HACE1: variants seen among roughly 807,000 people sequenced by gnomAD.
The protein encoded by HACE1 is HECT domain and ankyrin repeat containing E3 ubiquitin protein ligase 1, also known as E3 ubiquitin-protein ligase HACE1.
In HACE1, 73 loss-of-function variants were observed where a neutral mutation model predicts 118.4. That is an observed-to-expected ratio of 0.62 (90% confidence interval 0.51 to 0.75). The LOEUF is 0.75. HACE1 is among the 30% of genes least tolerant of loss of function. The pLI, the probability that HACE1 is intolerant of heterozygous loss-of-function variation, is 0.00. For missense variants in HACE1, 749 were observed against 1,102.2 expected, an observed-to-expected ratio of 0.68 and a Z score of 4.54; for synonymous variants, 368 against 374.8, an observed-to-expected ratio of 0.98 and a Z score of 0.21.
chr6:104,827,519 T>C (rs1333240002), intron 6 of HACE1, among the ~76,000 whole-genome samples: 1 of 152,132 alleles, frequency 6.6e-6, no homozygotes, highest in Non-Finnish European at 1.5e-5. Flanking sequence ...GGTTGTGTTA[T>C]AAAAGTAACA....
intron 6 of HACE1, among the ~76,000 whole-genome samples, chr6:104,831,975 GAAGAGAGGAAGGAAGGAAGGAAGGAAGGA>G (rs1216498072): frequency 7.5e-5 from 4 of 53,548 alleles, no homozygotes; most frequent in East Asian, 5.1e-4. Flanking sequence ...GAAGAGAAGA[GAAGAGAGGAAGGAAGGAAGGAAGGAAGGA>G]AGGAAGGAAG....
chr6:104,747,685 A>T (rs771028140), intron 20 of HACE1, among the ~76,000 whole-genome samples: 1 of 152,156 alleles, frequency 6.6e-6, no homozygotes, highest in Admixed American at 6.5e-5. Flanking sequence ...AACAAGTTCC[A>T]TATCTTCTTT....
chr6:104,747,182 G>A (rs1324878210), intron 20 of HACE1, among the ~76,000 whole-genome samples: 1 of 152,022 alleles, frequency 6.6e-6, no homozygotes, highest in South Asian at 2.1e-4. Flanking sequence ...TATGTGTAAG[G>A]TATATAACTC....
At chr6:104,780,614 A>C (rs1646071970) in intron 14 of HACE1, among the ~76,000 whole-genome samples, 1 of 152,146 alleles carries the variant, frequency 6.6e-6, no homozygotes, top group South Asian at 2.1e-4. Context: ...GCAACTTGCC[A>C]ATATAATGTC....
At chr6:104,829,465 G>A (rs986369003) in intron 6 of HACE1, among the ~76,000 whole-genome samples, 9 of 152,010 alleles carry the variant, frequency 5.9e-5, no homozygotes, top group African/African-American at 2.2e-4. Context: ...TCAGCCAGGA[G>A]GAAAAGAAAT....
chr6:104,752,547 T>C (rs1236020017), intron 19 of HACE1, among the ~76,000 whole-genome samples: 3 of 152,048 alleles, frequency 2.0e-5, no homozygotes, highest in Non-Finnish European at 4.4e-5. Context: ...CAAGAGGTTT[T>C]GGCTTTACCA....
At chr6:104,761,468 A>G (rs979126308) in intron 19 of HACE1, among the ~76,000 whole-genome samples, 20 of 152,198 alleles carry the variant, frequency 1.3e-4, no homozygotes, top group African/African-American at 4.8e-4. Flanking sequence ...TTTTAAATAA[A>G]TGGTTTTGGG....
At chr6:104,834,650 C>T (rs1016915683) in intron 5 of HACE1, among the ~76,000 whole-genome samples, 1 of 152,144 alleles carries the variant, frequency 6.6e-6, no homozygotes, top group Non-Finnish European at 1.5e-5. Flanking sequence ...GAGGAGAGAA[C>T]AGCAAGTTTT....
chr6:104,745,744 A>G (rs2114524484), intron 20 of HACE1, among the ~76,000 whole-genome samples: 1 of 152,140 alleles, frequency 6.6e-6, no homozygotes, highest in African/African-American at 2.4e-5. Context: ...CCCGGCCAGG[A>G]TTTCTTATTA....
At chr6:104,776,903 TTAAATA>T (rs1461075304) in intron 16 of HACE1, 75 bp from the exon 17 acceptor site, 30 of 1,322,758 alleles carry the variant, frequency 2.3e-5, no homozygotes, top group Middle Eastern at 1.8e-4. Flanking sequence ...ATAACAAAAT[TTAAATA>T]TAAAGTTTCT....
rs9322821 is a variant in HACE1, at chr6:104,852,228, T to C, written c.131+89A>G. On this transcript the variant is annotated intron_variant, in intron 2 of 23. Transcript: ENST00000262903. Reference sequence around the variant, plus strand: ...GTGTGTGTGTGTGTGTGTGTGTGTGTGCGCGCGTGCGCGTGCACGGGCATG... The same window carrying C: ...GTGTGTGTGTGTGTGTGTGTGTGTGCGCGCGCGTGCGCGTGCACGGGCATG... 1.0e-2 allele frequency: 6,571 copies of C among 658,956 alleles called. 53 individuals carry two copies. Among genetic ancestry groups the C allele is most frequent in the Non-Finnish European group, 0.011 (3,978 of 361,008 alleles). The allele number at this position is 658,956 out of a possible 1,614,324, so 40.8% of individuals were successfully genotyped here. A position where few individuals can be genotyped will look rare whatever the true frequency, so the allele number is the denominator to read the frequency against.
At chr6:104,745,365 C>T (rs1342534206) in intron 20 of HACE1, among the ~76,000 whole-genome samples, 3 of 151,984 alleles carry the variant, frequency 2.0e-5, no homozygotes, top group Non-Finnish European at 4.4e-5. Context: ...CTGAATCAGT[C>T]CATATATCAC....
At chr6:104,810,165 C>G (rs1289579444) in intron 7 of HACE1, among the ~76,000 whole-genome samples, 1 of 151,966 alleles carries the variant, frequency 6.6e-6, no homozygotes, top group Non-Finnish European at 1.5e-5. Flanking sequence ...TTCATAAATT[C>G]AGGACACTAT....
At position 104,859,903 on chromosome 6, in the gene HACE1, G is replaced by C. The variant is rs1275226417; in HGVS notation, c.-261C>G. 6.5e-6 allele frequency: 3 copies of C among 459,630 alleles called. No homozygotes were observed. The highest frequency in any genetic ancestry group is 4.2e-5 in the African/African-American group (2 of 47,620). 28.5% of individuals were successfully genotyped at this position (459,630 alleles called of 1,614,324 possible). ...AGCCCCCGCCGCCGCGTCCCTCCCGGGCTCGCGTGGCCTTCTGGGAACTGT... is the reference window on the plus strand; with the variant it reads ...AGCCCCCGCCGCCGCGTCCCTCCCGCGCTCGCGTGGCCTTCTGGGAACTGT... On this transcript the variant is annotated 5_prime_UTR_variant, in exon 1 of 24. Transcript: ENST00000262903.
At chr6:104,752,244 G>C (rs561478434) in intron 19 of HACE1, among the ~76,000 whole-genome samples, 1 of 152,124 alleles carries the variant, frequency 6.6e-6, no homozygotes, top group South Asian at 2.1e-4. Flanking sequence ...TCACATACAG[G>C]TACTTATTAT....
At chr6:104,757,170 C>T (rs1778811105) in intron 19 of HACE1, among the ~76,000 whole-genome samples, 2 of 152,182 alleles carry the variant, frequency 1.3e-5, no homozygotes, top group Admixed American at 1.3e-4. Flanking sequence ...ACAGCTTCTC[C>T]AGACTTAAAC....
intron 5 of HACE1, among the ~76,000 whole-genome samples, chr6:104,840,223 A>C (rs1221507442): frequency 6.6e-6 from 1 of 152,252 alleles, no homozygotes; most frequent in Admixed American, 6.5e-5. Context: ...ATCATTAACT[A>C]CAGGGAAAAT....
Position 104,841,918 on chromosome 6 carries a change from G to A in HACE1, c.402+1305C>T, listed in dbSNP as rs138432418. Among the ~76,000 whole-genome samples, 334 of 152,166 alleles carry A rather than the reference G, an allele frequency of 2.2e-3. 1 individual carries two copies. The highest frequency in any genetic ancestry group is 3.4e-3 in the Non-Finnish European group (232 of 68,006). ...CTTTGGGATTTCAACAATCTCTTCAGCAATATCCCATACCACCTCCATGTG... is the reference window on the plus strand; with the variant it reads ...CTTTGGGATTTCAACAATCTCTTCAACAATATCCCATACCACCTCCATGTG... On this transcript the variant is annotated intron_variant, in intron 5 of 23. Coordinates refer to ENST00000262903, the MANE Select transcript of HACE1 (RefSeq NM_020771.4).
At chr6:104,785,538 T>G in intron 11 of HACE1, 1 of 522,490 alleles carries the variant, frequency 1.9e-6, no homozygotes, top group Non-Finnish European at 3.4e-6. Context: ...ATAATTTAAT[T>G]TGTATGTATG....
Sources: allele counts gnomAD v4.1 joint callset (sites outside exome capture counted in the v4.1 genomes callset), GRCh38; gene constraint gnomAD v4.1.1; transcripts MANE v1.5; gene names NCBI Gene and HGNC (gene_info 2026-07-23, HGNC 2026-07-21).